Variants in CELF1 observed in about 807,000 individuals in gnomAD.
CELF1 encodes the protein CUGBP Elav-like family member 1.
A neutral mutation model predicts 61.8 loss-of-function variants in CELF1; 10 were observed. The ratio of observed to expected loss-of-function variants is 0.16; its 90% confidence interval spans 0.10 to 0.27. CELF1 has a LOEUF of 0.27. Ranked by LOEUF, CELF1 falls within the 10% of genes least tolerant of loss-of-function variation. CELF1 has a pLI of 1.00. For synonymous variants in CELF1, 236 were observed against 225.1 expected (o/e 1.05, Z -0.43); for missense variants, 380 against 639.1 (o/e 0.59, Z 4.37).
intron 12 of CELF1, among the ~76,000 whole-genome samples, chr11:47,475,910 TA>T (rs1026994085): frequency 6.6e-6 from 1 of 152,220 alleles, no homozygotes; most frequent in African/African-American, 2.4e-5. Flanking sequence ...ACCCTACCAT[TA>T]AAACAGCAAC....
chr11:47,539,222 A>C (rs1471348372), intron 1 of CELF1, among the ~76,000 whole-genome samples: 2 of 152,058 alleles, frequency 1.3e-5, no homozygotes, highest in Non-Finnish European at 2.9e-5. Flanking sequence ...AATTATAAAA[A>C]ACTTGTTAAA....
At chr11:47,507,275 G>A (rs1317527746) in intron 1 of CELF1, among the ~76,000 whole-genome samples, 1 of 152,134 alleles carries the variant, frequency 6.6e-6, no homozygotes, top group Non-Finnish European at 1.5e-5. Context: ...ACTAAGAAAA[G>A]CTAATGGCTG....
upstream of CELF1, among the ~76,000 whole-genome samples, chr11:47,555,893 G>A (rs184916717): frequency 2.2e-4 from 33 of 151,510 alleles, no homozygotes; most frequent in Non-Finnish European, 3.5e-4. Context: ...CCAGCTACTC[G>A]GGAGGCTGAG....
chr11:47,550,423 C>T (rs987152711), intron 1 of CELF1, among the ~76,000 whole-genome samples: 13 of 151,938 alleles, frequency 8.6e-5, no homozygotes, highest in Non-Finnish European at 1.8e-4. Flanking sequence ...CACAGCTACT[C>T]GGGAGGCTGA....
At chr11:47,519,169 A>AATTCT (rs1319996606) in intron 1 of CELF1, among the ~76,000 whole-genome samples, 5 of 152,086 alleles carry the variant, frequency 3.3e-5, no homozygotes, top group African/African-American at 1.2e-4. Flanking sequence ...CCCTAAGACA[A>AATTCT]ATTCTATTCT....
intron 3 of CELF1, among the ~76,000 whole-genome samples, chr11:47,492,527 C>T (rs1303373572): frequency 2.6e-5 from 4 of 152,192 alleles, no homozygotes; most frequent in Middle Eastern, 3.4e-3. Flanking sequence ...GTCAGGAGTT[C>T]GAGACCACCC....
Position 47,489,935 on chromosome 11 carries a change from G to GTTTTTTTTTTTTTTTGTT in CELF1, c.72-912_72-911insAACAAAAAAAAAAAAAAA, listed in dbSNP as rs2090305885. Among the ~76,000 whole-genome samples the GTTTTTTTTTTTTTTTGTT allele has an allele frequency of 5.0e-4, 24 of 48,234 alleles. 5 individuals are homozygous for GTTTTTTTTTTTTTTTGTT. The highest frequency in any genetic ancestry group is 8.9e-4 in the Non-Finnish European group (23 of 25,718). The allele number at this position is 48,234 out of a possible 152,430, so 31.6% of individuals were successfully genotyped here. A position where few individuals can be genotyped will look rare whatever the true frequency, so the allele number is the denominator to read the frequency against. ...GTTTCCACTCAGAACATACCATCTT[G>GTTTTTTTTTTTTTTTGTT]TTTTTTTTTTTTTTTTTTTTGAGAC... On this transcript the variant is annotated intron_variant, in intron 3 of 14. Coordinates refer to ENST00000687097, the MANE Select transcript of CELF1 (RefSeq NM_001376376.1).
upstream of CELF1, among the ~76,000 whole-genome samples, chr11:47,555,073 C>G (rs2097201853): frequency 6.6e-6 from 1 of 152,190 alleles, no homozygotes; most frequent in South Asian, 2.1e-4. Context: ...TTTTATTTCA[C>G]TGCTCTATCC....
intron 1 of CELF1, among the ~76,000 whole-genome samples, chr11:47,531,476 G>A (rs918442552): frequency 6.6e-6 from 1 of 152,006 alleles, no homozygotes; most frequent in Non-Finnish European, 1.5e-5. Flanking sequence ...GGCTGAGGTA[G>A]GAGAATTGCT....
chr11:47,537,245 ATTTTTT>A (rs544458768), intron 1 of CELF1, among the ~76,000 whole-genome samples: 2 of 134,104 alleles, frequency 1.5e-5, no homozygotes, highest in African/African-American at 5.6e-5. Context: ...TACCATACAA[ATTTTTT>A]TTTTTTTTTT....
chr11:47,515,926 A>ATT (rs879715631), intron 1 of CELF1, among the ~76,000 whole-genome samples: 12 of 151,148 alleles, frequency 7.9e-5, no homozygotes, highest in African/African-American at 2.9e-4. Context: ...TTACTTATTT[A>ATT]TTTTTTTTTA....
intron 1 of CELF1, among the ~76,000 whole-genome samples, chr11:47,529,443 T>C (rs1262565909): frequency 5.3e-5 from 8 of 152,148 alleles, no homozygotes; most frequent in African/African-American, 1.7e-4. Flanking sequence ...TCCCAGCACG[T>C]TGCGAGGCCG....
chr11:47,535,819 G>C (rs946991323), intron 1 of CELF1, among the ~76,000 whole-genome samples: 4 of 151,552 alleles, frequency 2.6e-5, no homozygotes, highest in Non-Finnish European at 5.9e-5. Flanking sequence ...CTGAAGTGCA[G>C]TGGTGCAATC....
upstream of CELF1, among the ~76,000 whole-genome samples, chr11:47,553,345 G>T (rs549758020): frequency 6.6e-6 from 1 of 152,274 alleles, no homozygotes; most frequent in East Asian, 1.9e-4. Context: ...GGGGCCGCGG[G>T]CGGAGCCCTC....
At position 47,496,035 on chromosome 11, in the gene CELF1, T is replaced by C. The variant is rs1050677089; in HGVS notation, c.71+3418A>G. 1.1e-5 allele frequency: 11 copies of C among 983,884 alleles called. No individual in the cohort carries two copies. The East Asian group carries it at 5.7e-4, about 51-fold the overall frequency. 60.9% of individuals were successfully genotyped at this position (983,884 alleles called of 1,614,324 possible). ...TTATACAAGGTCCCTCTGGCTCACATACAGTGCTGTGGAAAAACTGGAACA... is the reference window on the plus strand; with the variant it reads ...TTATACAAGGTCCCTCTGGCTCACACACAGTGCTGTGGAAAAACTGGAACA... On this transcript the variant is annotated intron_variant, in intron 3 of 14. Transcript: ENST00000687097.
intron 1 of CELF1, among the ~76,000 whole-genome samples, chr11:47,520,139 G>T (rs571874246): frequency 1.2e-4 from 19 of 152,214 alleles, no homozygotes; most frequent in Non-Finnish European, 2.5e-4. Flanking sequence ...GGAGTTAATG[G>T]TCTTGTTCAG....
At chr11:47,490,425 GT>G (rs373523637) in intron 3 of CELF1, among the ~76,000 whole-genome samples, 24,668 of 129,844 alleles carry the variant, frequency 0.19, 1,713 homozygotes, top group African/African-American at 0.31. Flanking sequence ...CAACATGCTA[GT>G]TTTTTTTTTT....
At chr11:47,481,640 C>T (rs1408829879) in intron 9 of CELF1, among the ~76,000 whole-genome samples, 2 of 152,032 alleles carry the variant, frequency 1.3e-5, no homozygotes, top group Non-Finnish European at 2.9e-5. Context: ...CATTAATAGC[C>T]TAAGATGACC....
chr11:47,479,153 C>A (rs991584050), intron 9 of CELF1, among the ~76,000 whole-genome samples: 2 of 152,100 alleles, frequency 1.3e-5, no homozygotes, highest in African/African-American at 4.8e-5. Flanking sequence ...AAAGCACTGG[C>A]CCAGAAGATA....
Sources: gnomAD v4.1 joint callset for allele counts (sites outside exome capture counted in the v4.1 genomes callset) on GRCh38, gnomAD v4.1.1 for gene constraint, MANE v1.5 for transcripts, NCBI Gene and HGNC (gene_info 2026-07-23, HGNC 2026-07-21) for gene names.